The following TUSC3 variants were observed in gnomAD, a reference collection of about 807,000 sequenced individuals.
TUSC3 encodes tumor suppressor candidate 3, also known as dolichyl-diphosphooligosaccharide--protein glycosyltransferase subunit TUSC3.
Under a neutral mutation model 44.8 loss-of-function variants are expected in TUSC3, and 45 were observed. The ratio of observed to expected loss-of-function variants is 1.00; its 90% CI spans 0.79 to 1.29. TUSC3 has a LOEUF of 1.29. TUSC3 is among the 50% of genes most tolerant of loss of function. The pLI, the probability that TUSC3 is intolerant of heterozygous loss-of-function variation, is 0.00. For synonymous variants in TUSC3, 212 were observed against 152.9 expected (o/e 1.39, Z -2.85); for missense variants, 519 against 437.9 (o/e 1.19, Z -1.65).
At chr8:15,762,084 TGAAACC>T (rs1437537756) in intron 10 of TUSC3, among the ~76,000 whole-genome samples, 2 of 151,830 alleles carry the variant, frequency 1.3e-5, no homozygotes, top group African/African-American at 4.8e-5. Flanking sequence ...AAAATAAAAG[TGAAACC>T]TGAAATACTG....
chr8:15,471,081 G>A (rs550550771), intron 1 of TUSC3, among the ~76,000 whole-genome samples: 1 of 151,996 alleles, frequency 6.6e-6, no homozygotes, highest in African/African-American at 2.4e-5. Context: ...TCCCTTCTTT[G>A]TAATTACCTG....
intron 2 of TUSC3, among the ~76,000 whole-genome samples, chr8:15,517,793 A>G (rs1329543630): frequency 6.6e-6 from 1 of 152,020 alleles, no homozygotes; most frequent in Non-Finnish European, 1.5e-5. Flanking sequence ...GCAAGTTTCT[A>G]CCAATGTTAT....
intron 2 of TUSC3, among the ~76,000 whole-genome samples, chr8:15,515,217 G>A (rs113743325): frequency 3.9e-4 from 59 of 152,104 alleles, no homozygotes; most frequent in African/African-American, 1.4e-3. Flanking sequence ...TGAGCTTGTC[G>A]CTTTCTACTT....
intron 1 of TUSC3, among the ~76,000 whole-genome samples, chr8:15,562,565 A>G (rs945440054): frequency 1.3e-5 from 2 of 152,100 alleles, no homozygotes; most frequent in African/African-American, 4.8e-5. Context: ...TGTCTCTGTT[A>G]AGGGTCTTAG....
At chr8:15,477,671 A>G (rs1800597645) in intron 1 of TUSC3, among the ~76,000 whole-genome samples, 3 of 152,100 alleles carry the variant, frequency 2.0e-5, no homozygotes, top group Admixed American at 2.0e-4. Flanking sequence ...TCAGTGAGCC[A>G]AGATTGTGTA....
chr8:15,667,266 G>T (rs537172248), intron 5 of TUSC3, among the ~76,000 whole-genome samples: 14 of 151,610 alleles, frequency 9.2e-5, no homozygotes, highest in African/African-American at 1.9e-4. Flanking sequence ...GTAAAGATAC[G>T]TCTTACCTTT....
intron 1 of TUSC3, among the ~76,000 whole-genome samples, chr8:15,616,164 G>A (rs1237785924): frequency 6.7e-6 from 1 of 149,926 alleles, no homozygotes. Flanking sequence ...AAGAATAAAA[G>A]TAGAGATCTT....
Position 15,587,567 on chromosome 8 carries a change from T to C in TUSC3, c.139-35513T>C, listed in dbSNP as rs187716631. Among the ~76,000 whole-genome samples the C allele has an allele frequency of 3.6e-3, 543 of 152,294 alleles. 3 individuals carry two copies. The highest frequency in any genetic ancestry group is 0.012 in the African/African-American group (495 of 41,582). ...CCCAAATATTTATCATGTCTTTGTA[T>C]TGGGAGCATCCAGAATCCTCTCTTC... On this transcript the variant is annotated intron_variant, in intron 1 of 10. Transcript: ENST00000503731.
intron 2 of TUSC3, among the ~76,000 whole-genome samples, chr8:15,529,048 T>C (rs974141550): frequency 3.9e-5 from 6 of 152,216 alleles, no homozygotes; most frequent in Admixed American, 1.3e-4. Context: ...TCCTGATACA[T>C]AGAACATGCT....
intron 1 of TUSC3, among the ~76,000 whole-genome samples, chr8:15,590,778 C>T (rs951706419): frequency 1.3e-5 from 2 of 151,602 alleles, no homozygotes; most frequent in Non-Finnish European, 2.9e-5. Flanking sequence ...CTCAGGCAGT[C>T]CTCTCACCAC....
chr8:15,638,102 C>A (rs1438280494), intron 2 of TUSC3, among the ~76,000 whole-genome samples: 3 of 152,104 alleles, frequency 2.0e-5, no homozygotes, highest in African/African-American at 4.8e-5. Context: ...ATGTTATAGA[C>A]CTGTTCTCAG....
At chr8:15,681,371 G>T (rs774153666) in intron 6 of TUSC3, among the ~76,000 whole-genome samples, 2 of 151,612 alleles carry the variant, frequency 1.3e-5, no homozygotes, top group East Asian at 1.9e-4. Context: ...GTCTGTTCAG[G>T]GTTTCAGTTT....
intron 9 of TUSC3, among the ~76,000 whole-genome samples, chr8:15,754,665 G>A (rs1049137855): frequency 7.2e-5 from 11 of 151,932 alleles, no homozygotes; most frequent in African/African-American, 1.9e-4. Context: ...TTATGCCTCC[G>A]CCTTTTAGCC....
upstream of TUSC3, among the ~76,000 whole-genome samples, chr8:15,536,965 T>C (rs370988412): frequency 6.6e-6 from 1 of 152,136 alleles, no homozygotes; most frequent in Non-Finnish European, 1.5e-5. Context: ...AAAAAAAATA[T>C]ATCCTTGCCA....
At chr8:15,704,558 G>T (rs1042102422) in intron 6 of TUSC3, among the ~76,000 whole-genome samples, 3 of 152,022 alleles carry the variant, frequency 2.0e-5, no homozygotes, top group South Asian at 4.1e-4. Context: ...CTTTGTTCTC[G>T]TTCGGTTTAT....
In TUSC3 at chr8:15,758,304, A is replaced by T. The variant is rs192986007; in HGVS notation, c.*46+449A>T. 2.6e-3 allele frequency: 2,517 copies of T among 953,286 alleles called. 5 individuals carry two copies. Among genetic ancestry groups the T allele is most frequent in the Non-Finnish European group, 2.9e-3 (2,342 of 800,914 alleles). 59.1% of individuals were successfully genotyped at this position (953,286 alleles called of 1,614,324 possible). On this transcript the variant is annotated intron_variant, in intron 10 of 10. Transcript: ENST00000503731. ...AGTTAACTTACTGAAAACTTTTTTA[A>T]AATCAACATTTGCTAAATTCAGAAA... is the stretch of plus-strand genomic sequence containing the variant.
chr8:15,813,110 A>C, the TUSC3 span, among the ~76,000 whole-genome samples: 2 of 152,098 alleles, frequency 1.3e-5, no homozygotes, highest in East Asian at 1.9e-4. Context: ...AGACAAAAAA[A>C]ATAAGAAAGG....
At chr8:15,664,087 CT>C (rs1046710754) in intron 5 of TUSC3, among the ~76,000 whole-genome samples, 3 of 151,730 alleles carry the variant, frequency 2.0e-5, no homozygotes, top group Admixed American at 1.3e-4. Context: ...TTACTGATCT[CT>C]TTTTTCTTTG....
intron 3 of TUSC3, among the ~76,000 whole-genome samples, chr8:15,652,256 G>A (rs963656591): frequency 4.6e-5 from 7 of 152,308 alleles, no homozygotes; most frequent in Middle Eastern, 3.4e-3. Context: ...AAAGCATGCA[G>A]TTCTGTAAAG....
Sources: gnomAD v4.1 joint callset for allele counts (sites outside exome capture counted in the v4.1 genomes callset) on GRCh38, gnomAD v4.1.1 for gene constraint, MANE v1.5 for transcripts, NCBI Gene and HGNC (gene_info 2026-07-23, HGNC 2026-07-21) for gene names.